Variants in RAD51B observed in about 807,000 individuals in gnomAD.
RAD51B encodes the protein RAD51 paralog B, also known as DNA repair protein RAD51 homolog 2.
A neutral mutation model predicts 42.2 loss-of-function variants in RAD51B; 38 were observed. The observed-to-expected ratio is 0.90, with a 90% CI of 0.70 to 1.18. RAD51B has a LOEUF of 1.18. Ranked by LOEUF, RAD51B falls within the 50% of genes most tolerant of loss-of-function variation. RAD51B has a pLI of 0.00. For missense variants in RAD51B, 373 were observed against 400.7 expected, an observed-to-expected ratio of 0.93 and a Z score of 0.59; for synonymous variants, 154 against 145.2, an observed-to-expected ratio of 1.06 and a Z score of -0.43.
intron 9 of RAD51B, among the ~76,000 whole-genome samples, chr14:68,419,745 A>T (rs2084652549): frequency 6.6e-6 from 1 of 152,200 alleles, no homozygotes; most frequent in Admixed American, 6.5e-5. Flanking sequence ...TCTTGCGAGC[A>T]TGGGAGCTTT....
intron 10 of RAD51B, among the ~76,000 whole-genome samples, chr14:68,607,466 C>A (rs373986046): frequency 6.6e-6 from 1 of 152,172 alleles, no homozygotes; most frequent in African/African-American, 2.4e-5. Context: ...AGGAAGTCTG[C>A]GGCCAGCCCT....
intron 8 of RAD51B, among the ~76,000 whole-genome samples, chr14:68,390,511 T>C (rs2083715292): frequency 6.6e-6 from 1 of 152,208 alleles, no homozygotes; most frequent in Non-Finnish European, 1.5e-5. Flanking sequence ...TAAATATTCC[T>C]ATTAGTCAGT....
intron 7 of RAD51B, among the ~76,000 whole-genome samples, chr14:68,067,444 A>G (rs2076669318): frequency 6.6e-6 from 1 of 150,448 alleles, no homozygotes; most frequent in Non-Finnish European, 1.5e-5. Flanking sequence ...AACCTGGGCA[A>G]CAGAGCAAGA....
At chr14:68,510,541 G>A (rs1445769412) in intron 10 of RAD51B, among the ~76,000 whole-genome samples, 1 of 152,192 alleles carries the variant, frequency 6.6e-6, no homozygotes, top group Admixed American at 6.5e-5. Flanking sequence ...GGCTCTGGCT[G>A]GTTGTGTGTC....
intron 7 of RAD51B, among the ~76,000 whole-genome samples, chr14:68,202,411 A>C (rs565218847): frequency 6.6e-6 from 1 of 152,166 alleles, no homozygotes; most frequent in Non-Finnish European, 1.5e-5. Flanking sequence ...AACTTTAAAA[A>C]TTTGAGTCAG....
At chr14:68,242,701 C>T (rs141870476) in intron 7 of RAD51B, among the ~76,000 whole-genome samples, 149 of 152,260 alleles carry the variant, frequency 9.8e-4, no homozygotes, top group Non-Finnish European at 1.9e-3. Flanking sequence ...AGGTGCTAAA[C>T]GCCATGCTAA....
intron 10 of RAD51B, among the ~76,000 whole-genome samples, chr14:68,508,496 G>T (rs867597220): frequency 2.0e-5 from 3 of 152,178 alleles, no homozygotes; most frequent in African/African-American, 4.8e-5. Flanking sequence ...AACATTCTAC[G>T]CAAGCCAGCG....
intron 7 of RAD51B, among the ~76,000 whole-genome samples, chr14:68,272,858 G>C (rs1322827877): frequency 6.7e-6 from 1 of 148,936 alleles, no homozygotes; most frequent in Non-Finnish European, 1.5e-5. Flanking sequence ...CTAATTTTTT[G>C]TATTTTTAGT....
At chr14:68,101,277 C>A (rs918645262) in intron 7 of RAD51B, among the ~76,000 whole-genome samples, 1 of 152,242 alleles carries the variant, frequency 6.6e-6, no homozygotes, top group East Asian at 1.9e-4. Context: ...AAATCTCATG[C>A]CCTCATACTT....
intron 7 of RAD51B, among the ~76,000 whole-genome samples, chr14:68,257,644 G>T (rs1296804429): frequency 6.6e-6 from 1 of 152,158 alleles, no homozygotes; most frequent in Non-Finnish European, 1.5e-5. Context: ...ATGAAGGAGT[G>T]AAAAGAGTTT....
chr14:68,645,764 T>C (rs1892552398), intron 10 of RAD51B, among the ~76,000 whole-genome samples: 1 of 152,360 alleles, frequency 6.6e-6, no homozygotes, highest in Admixed American at 6.5e-5. Flanking sequence ...TTAAAAACTC[T>C]CCAGACACAT....
intron 7 of RAD51B, among the ~76,000 whole-genome samples, chr14:68,196,118 C>T (rs1157736696): frequency 4.7e-5 from 7 of 150,460 alleles, no homozygotes; most frequent in South Asian, 2.1e-4. Context: ...GCAGGAGAAT[C>T]GCTTGGAGCT....
chr14:68,233,977 T>G lies in RAD51B; in HGVS notation c.757-57907T>G, dbSNP rs556429708. ...AAAGAAAGAGAGTAACTTCATTTGA[T>G]TTCTTTTTTCAGGAAGAGAATTCTG... On this transcript the variant is annotated intron_variant, in intron 7 of 10. Coordinates refer to ENST00000471583, the MANE Select transcript of RAD51B (RefSeq NM_133510.4). Among the ~76,000 whole-genome samples, 8 of 152,268 alleles carry G rather than the reference T, an allele frequency of 5.3e-5. No individual in the cohort carries two copies. The South Asian group carries it at 8.3e-4, about 16-fold the overall frequency.
intron 10 of RAD51B, among the ~76,000 whole-genome samples, chr14:68,532,658 C>T (rs72729510): frequency 0.069 from 10,575 of 152,252 alleles, 509 homozygotes; most frequent in Middle Eastern, 0.24. Context: ...GCCAACCTAT[C>T]AAGAACAGCT....
chr14:68,591,985 G>C (rs758476850), intron 10 of RAD51B, among the ~76,000 whole-genome samples: 19 of 152,138 alleles, frequency 1.2e-4, no homozygotes, highest in Non-Finnish European at 2.4e-4. Context: ...CACTCAGGAG[G>C]CAGGTGACTT....
chr14:68,588,852 A>G (rs1224453967), intron 10 of RAD51B, among the ~76,000 whole-genome samples: 1 of 152,208 alleles, frequency 6.6e-6, no homozygotes, highest in Non-Finnish European at 1.5e-5. Flanking sequence ...GTAATGGAAC[A>G]CAGGGATGGA....
intron 7 of RAD51B, among the ~76,000 whole-genome samples, chr14:68,269,617 T>C (rs1242122363): frequency 6.6e-6 from 1 of 152,190 alleles, no homozygotes; most frequent in Non-Finnish European, 1.5e-5. Context: ...ATATCTGAAA[T>C]TGCCTGCTCA....
intron 9 of RAD51B, among the ~76,000 whole-genome samples, chr14:68,436,625 A>C (rs537130199): frequency 1.6e-4 from 25 of 152,218 alleles, no homozygotes; most frequent in Admixed American, 5.2e-4. Context: ...TGGCCATTTT[A>C]ATGATATTGA....
At chr14:68,507,791 A>G (rs2078316) in intron 10 of RAD51B, among the ~76,000 whole-genome samples, 99,200 of 151,980 alleles carry the variant, frequency 0.65, 32,461 homozygotes, top group African/African-American at 0.68. Context: ...ACCCACTTTG[A>G]TCCACGGTTC....
Sources: allele counts gnomAD v4.1 joint callset (sites outside exome capture counted in the v4.1 genomes callset), GRCh38; gene constraint gnomAD v4.1.1; transcripts MANE v1.5; gene names NCBI Gene and HGNC (gene_info 2026-07-23, HGNC 2026-07-21).